The following CNTNAP2 variants were observed in gnomAD, a reference collection of about 807,000 sequenced individuals.
CNTNAP2 encodes the protein contactin-associated protein-like 2.
In CNTNAP2, 98 loss-of-function variants were observed where a neutral mutation model predicts 155.2. The ratio of observed to expected loss-of-function variants is 0.63; its 90% CI spans 0.54 to 0.75. The LOEUF (loss-of-function observed/expected upper bound fraction) is 0.75, where lower values mean the gene tolerates loss of function less well. Ranked by LOEUF, CNTNAP2 falls within the 30% of genes least tolerant of loss-of-function variation. CNTNAP2 has a pLI of 0.00. For synonymous variants in CNTNAP2, 651 were observed against 631.2 expected (o/e 1.03, Z -0.47); for missense variants, 1,727 against 1,688.1 (o/e 1.02, Z -0.40).
chr7:146,758,343 A>ACTC (rs1191920696), intron 1 of CNTNAP2, among the ~76,000 whole-genome samples: 3 of 151,846 alleles, frequency 2.0e-5, no homozygotes, highest in East Asian at 3.9e-4. Context: ...CTTCTCATGC[A>ACTC]CTCCTGGCTG....
Position 147,041,897 on chromosome 7 carries a change from T to G in CNTNAP2, c.403-2010T>G, listed in dbSNP as rs188268237. 3.7e-3 allele frequency among the ~76,000 whole-genome samples: 567 copies of G among 152,350 alleles called. 8 individuals are homozygous for G. The highest frequency in any genetic ancestry group is 0.014 in the Middle Eastern group (4 of 294). ...TATCCAATTGTAGATTTAATTCAAGTGATTTTGGTCAAGGATTCTAATTGT... is the reference window on the plus strand; with the variant it reads ...TATCCAATTGTAGATTTAATTCAAGGGATTTTGGTCAAGGATTCTAATTGT... On this transcript the variant is annotated intron_variant, in intron 3 of 23. Coordinates refer to ENST00000361727, the MANE Select transcript of CNTNAP2 (RefSeq NM_014141.6).
chr7:146,637,558 C>T (rs1001023229), intron 1 of CNTNAP2, among the ~76,000 whole-genome samples: 8 of 152,168 alleles, frequency 5.3e-5, no homozygotes, highest in African/African-American at 1.2e-4. Context: ...GTAGTTCAGA[C>T]GTATCACTCT....
At position 147,562,459 on chromosome 7, in the gene CNTNAP2, C is replaced by T. The variant is rs2074713; in HGVS notation, c.1897+202C>T. ...TTGACACTGTGCTTTTCAAAAAGTT[C>T]ATGTTTGATGTGAACAATTAAGCAT... On this transcript the variant is annotated intron_variant, in intron 12 of 23. Coordinates refer to ENST00000361727, the MANE Select transcript of CNTNAP2 (RefSeq NM_014141.6). Among the ~76,000 whole-genome samples, 107,030 of 152,052 alleles carry T rather than the reference C, an allele frequency of 0.7. 37,962 individuals carry two copies. The highest frequency in any genetic ancestry group is 0.77 in the African/African-American group (31,864 of 41,492).
chr7:148,192,267 C>T (rs141858436), intron 18 of CNTNAP2, among the ~76,000 whole-genome samples: 10 of 152,246 alleles, frequency 6.6e-5, no homozygotes, highest in African/African-American at 1.7e-4. Flanking sequence ...CCCCTACACC[C>T]TTCTGAGTCT....
intron 8 of CNTNAP2, among the ~76,000 whole-genome samples, chr7:147,183,986 G>T (rs920977584): frequency 2.6e-5 from 4 of 152,134 alleles, no homozygotes; most frequent in East Asian, 1.9e-4. Context: ...AGAAGAATTT[G>T]TAGGTCTTTA....
At chr7:146,392,520 G>A (rs759437853) in intron 1 of CNTNAP2, among the ~76,000 whole-genome samples, 1 of 152,130 alleles carries the variant, frequency 6.6e-6, no homozygotes, top group Non-Finnish European at 1.5e-5. Context: ...TCGGTTGAAA[G>A]CACAGAGAAA....
intron 22 of CNTNAP2, among the ~76,000 whole-genome samples, chr7:148,408,275 C>T (rs543436903): frequency 1.2e-4 from 18 of 151,414 alleles, no homozygotes; most frequent in Admixed American, 1.1e-3. Flanking sequence ...CACACACACA[C>T]AAAAAAAGAA....
chr7:146,499,284 G>T (rs1030364751), intron 1 of CNTNAP2, among the ~76,000 whole-genome samples: 2 of 152,148 alleles, frequency 1.3e-5, no homozygotes, highest in African/African-American at 4.8e-5. Context: ...CTGGGTTCAA[G>T]CGATTCTCCT....
chr7:147,350,336 T>C (rs890829487), intron 9 of CNTNAP2, among the ~76,000 whole-genome samples: 1 of 151,918 alleles, frequency 6.6e-6, no homozygotes, highest in African/African-American at 2.4e-5. Context: ...TGAAATAGTT[T>C]ATGTTGTATT....
chr7:147,746,638 G>GA (rs947259792), intron 13 of CNTNAP2, among the ~76,000 whole-genome samples: 6 of 152,022 alleles, frequency 3.9e-5, no homozygotes, highest in African/African-American at 1.2e-4. Flanking sequence ...GCCACCAAAG[G>GA]AAAGAATAAG....
chr7:146,446,257 GA>G (rs1294400670), intron 1 of CNTNAP2, among the ~76,000 whole-genome samples: 1 of 152,004 alleles, frequency 6.6e-6, no homozygotes, highest in Non-Finnish European at 1.5e-5. Context: ...GTGAAAACTA[GA>G]AAACAGTCTT....
intron 8 of CNTNAP2, among the ~76,000 whole-genome samples, chr7:147,166,021 A>G (rs564421997): frequency 1.3e-5 from 2 of 152,314 alleles, no homozygotes; most frequent in East Asian, 3.9e-4. Flanking sequence ...CAGCAGTCCT[A>G]CTACTGGGTA....
rs142559462 is a variant in CNTNAP2 at position 147,978,421 on chromosome 7, G to A, written c.2383+432G>A. Among the ~76,000 whole-genome samples the A allele has an allele frequency of 3.9e-3, 587 of 152,036 alleles. 9 individuals are homozygous for A. Among genetic ancestry groups the A allele is most frequent in the African/African-American group, 0.014 (571 of 41,492 alleles). On this transcript the variant is annotated intron_variant, in intron 15 of 23. Transcript: ENST00000361727. Reference sequence around the variant, plus strand: ...TGTATCATTGTAAACTTGGATTATGGCCATATAAAGTTTGACATTATTGCT... The same window carrying A: ...TGTATCATTGTAAACTTGGATTATGACCATATAAAGTTTGACATTATTGCT...
At chr7:146,640,814 C>A (rs1025469596) in intron 1 of CNTNAP2, among the ~76,000 whole-genome samples, 2 of 151,950 alleles carry the variant, frequency 1.3e-5, no homozygotes, top group South Asian at 4.2e-4. Flanking sequence ...TGATTTTCTG[C>A]AAAGGAAAAT....
chr7:147,769,982 T>C (rs1201052945), intron 13 of CNTNAP2, among the ~76,000 whole-genome samples: 3 of 152,198 alleles, frequency 2.0e-5, no homozygotes, highest in Non-Finnish European at 4.4e-5. Context: ...CTACTGACTT[T>C]TTTCGTTTAT....
At chr7:148,322,513 A>C (rs185456626) in intron 21 of CNTNAP2, among the ~76,000 whole-genome samples, 4 of 152,348 alleles carry the variant, frequency 2.6e-5, no homozygotes, top group Admixed American at 2.0e-4. Flanking sequence ...AGTGGATTTT[A>C]ATATAACTAA....
chr7:146,488,000 A>C (rs536001168), intron 1 of CNTNAP2, among the ~76,000 whole-genome samples: 2 of 152,334 alleles, frequency 1.3e-5, no homozygotes, highest in African/African-American at 4.8e-5. Context: ...AAAAGAAAAA[A>C]AGACTAATGG....
chr7:147,855,154 G>A (rs1266012825), intron 13 of CNTNAP2, among the ~76,000 whole-genome samples: 1 of 152,074 alleles, frequency 6.6e-6, no homozygotes, highest in Non-Finnish European at 1.5e-5. Context: ...AGAGTGTGAT[G>A]TAGATTCACC....
intron 1 of CNTNAP2, among the ~76,000 whole-genome samples, chr7:146,756,408 G>T (rs1801996623): frequency 1.3e-5 from 2 of 151,968 alleles, no homozygotes; most frequent in African/African-American, 2.4e-5. Context: ...AAAATTAGTT[G>T]TACTACTATA....
Sources: allele counts gnomAD v4.1 joint callset (sites outside exome capture counted in the v4.1 genomes callset), GRCh38; gene constraint gnomAD v4.1.1; transcripts MANE v1.5; gene names NCBI Gene and HGNC (gene_info 2026-07-23, HGNC 2026-07-21).